JKAMP: variants seen among roughly 807,000 people sequenced by gnomAD.
The protein encoded by JKAMP is JNK1/MAPK8 associated membrane protein, also known as JNK1/MAPK8-associated membrane protein.
A neutral mutation model predicts 40.2 loss-of-function variants in JKAMP; 20 were observed. The ratio of observed to expected loss-of-function variants is 0.50; its 90% confidence interval spans 0.35 to 0.72. The LOEUF (loss-of-function observed/expected upper bound fraction) is 0.72. JKAMP is among the 30% of genes least tolerant of loss of function. JKAMP has a pLI of 0.01. For synonymous variants in JKAMP, 138 were observed against 131.6 expected (o/e 1.05, Z -0.33); for missense variants, 276 against 373.0 (o/e 0.74, Z 2.14).
At chr14:59,493,635 T>C (rs1891202401) in intron 3 of JKAMP, among the ~76,000 whole-genome samples, 1 of 152,212 alleles carries the variant, frequency 6.6e-6, no homozygotes, top group Non-Finnish European at 1.5e-5. Flanking sequence ...GATAAATATA[T>C]GAAACTATTT....
chr14:59,498,359 ATATT>A (rs1045731523), intron 4 of JKAMP, among the ~76,000 whole-genome samples: 1 of 152,190 alleles, frequency 6.6e-6, no homozygotes, highest in African/African-American at 2.4e-5. Flanking sequence ...TTACATTTGA[ATATT>A]TATTTTCTTC....
At chr14:59,488,473 C>T (rs1381355110) in intron 3 of JKAMP, among the ~76,000 whole-genome samples, 1 of 151,996 alleles carries the variant, frequency 6.6e-6, no homozygotes, top group Non-Finnish European at 1.5e-5. Context: ...AAAAAAGGAA[C>T]ATTTTAGGCA....
At chr14:59,484,720 C>A in intron 1 of JKAMP, 127 bp downstream of exon 1, 1 of 1,220,544 alleles carries the variant, frequency 8.2e-7, no homozygotes, top group Non-Finnish European at 1.2e-6. Flanking sequence ...CCCTTGACCC[C>A]GCCCGCCCTC....
chr14:59,487,995 A>G (rs533036991), intron 3 of JKAMP, among the ~76,000 whole-genome samples, 167 bp downstream of exon 3: 53 of 152,324 alleles, frequency 3.5e-4, no homozygotes, highest in African/African-American at 1.3e-3. Flanking sequence ...ACAATAGGGC[A>G]TGACTTAGTA....
chr14:59,485,099 G>T, intron 1 of JKAMP: 1 of 1,598,426 alleles, frequency 6.3e-7, no homozygotes, highest in Non-Finnish European at 8.5e-7. Context: ...CAGTCGCTTG[G>T]AGCCTGGGTT....
At chr14:59,496,282 T>C (rs1454929907) in intron 4 of JKAMP, among the ~76,000 whole-genome samples, 1 of 150,882 alleles carries the variant, frequency 6.6e-6, no homozygotes, top group Non-Finnish European at 1.5e-5. Flanking sequence ...TATAAAATAC[T>C]ATATAAAACA....
chr14:59,495,080 C>G lies in JKAMP; in HGVS notation c.314C>G (p.Thr105Ser), dbSNP rs549142198. 1 of 1,613,828 alleles carries G rather than the reference C, an allele frequency of 6.2e-7. No individual in the cohort carries two copies. The highest frequency in any genetic ancestry group is 2.2e-5 in the East Asian group (1 of 44,876). Residue 105 changes from threonine to serine, a missense_variant, in exon 4 of 7, where the codon ACC (threonine) becomes AGC (serine). Transcript: ENST00000616435. ...GAATGCAGCATGGCAGCTATTATCA[C>G]CTTACTTGTGAGTGATCCAGTTGGT... ...LFECSMAAIITLLVSDPVGVL... is the reference protein window; with the variant it reads ...LFECSMAAIISLLVSDPVGVL...
intron 6 of JKAMP, among the ~76,000 whole-genome samples, chr14:59,502,773 T>TTTTTTTTTGTTTTTTTTTTTTG (rs796697193): frequency 9.7e-6 from 1 of 102,836 alleles, no homozygotes; most frequent in Non-Finnish European, 1.8e-5. Flanking sequence ...TTTTTTTTTT[T>TTTTTTTTTGTTTTTTTTTTTTG]CGGAGTCTCA....
chr14:59,503,427 T>G (rs72712706), intron 6 of JKAMP, among the ~76,000 whole-genome samples: 12 of 152,308 alleles, frequency 7.9e-5, no homozygotes, highest in Non-Finnish European at 1.3e-4. Context: ...GCTCCAGGAA[T>G]GTTAGAGGTT....
In JKAMP at chr14:59,503,804, T is replaced by G. The variant is rs754855685; in HGVS notation, c.718-50T>G. ...GTTATATTAAATTACCCAGCTGACT[T>G]AGCCTGATAATCTGTATTTCTCTTT... is the stretch of plus-strand genomic sequence containing the variant. On this transcript the variant is annotated intron_variant, in intron 6 of 6. Coordinates refer to ENST00000616435, the MANE Select transcript of JKAMP (RefSeq NM_016475.5). The G allele has an allele frequency of 8.0e-6, 9 of 1,126,406 alleles. No homozygotes were observed. The South Asian group carries it at 1.2e-4, about 15-fold the overall frequency. 69.8% of individuals were successfully genotyped at this position (1,126,406 alleles called of 1,614,324 possible).
intron 4 of JKAMP, among the ~76,000 whole-genome samples, chr14:59,496,959 A>C (rs2139895798): frequency 6.8e-6 from 1 of 147,692 alleles, no homozygotes; most frequent in South Asian, 2.1e-4. Flanking sequence ...TGGGCTAAGC[A>C]CTTCCGAAGG....
intron 6 of JKAMP, among the ~76,000 whole-genome samples, chr14:59,501,602 T>C (rs1254007854): frequency 6.6e-6 from 1 of 152,218 alleles, no homozygotes; most frequent in Non-Finnish European, 1.5e-5. Flanking sequence ...ACCATAAAAA[T>C]GTTTTATATT....
At chr14:59,484,753 G>T in intron 1 of JKAMP, 160 bp downstream of exon 1, 1 of 1,016,840 alleles carries the variant, frequency 9.8e-7, no homozygotes, top group Non-Finnish European at 1.4e-6. Context: ...GCACTCCTGC[G>T]GGGTTGGGGT....
rs533811848 is a variant in JKAMP, at chr14:59,488,083, C to G, written c.251+255C>G. Among the ~76,000 whole-genome samples the G allele has an allele frequency of 5.9e-5, 9 of 151,942 alleles. No homozygotes were observed. In the South Asian group the frequency reaches 1.9e-3, roughly 32 times the overall value. On this transcript the variant is annotated intron_variant, in intron 3 of 6. Coordinates refer to ENST00000616435, the MANE Select transcript of JKAMP (RefSeq NM_016475.5). ...ATACTTTTACTTCTCAACTATAATC[C>G]TTATTGGTTTTCTACACAAAATTGG...
At chr14:59,503,709 G>C (rs1488432081) in intron 6 of JKAMP, 145 bp from the exon 7 acceptor site, 1 of 611,786 alleles carries the variant, frequency 1.6e-6, no homozygotes, top group Non-Finnish European at 2.8e-6. Context: ...TAGACTGAGT[G>C]ATTTCTTAAG....
At chr14:59,490,531 T>C (rs1235100522) in intron 3 of JKAMP, among the ~76,000 whole-genome samples, 1 of 152,146 alleles carries the variant, frequency 6.6e-6, no homozygotes, top group Non-Finnish European at 1.5e-5. Flanking sequence ...AGGTGAGATA[T>C]TTAATAGAAG....
intron 3 of JKAMP, among the ~76,000 whole-genome samples, chr14:59,488,643 T>G (rs908873470): frequency 1.3e-5 from 2 of 152,198 alleles, no homozygotes; most frequent in African/African-American, 2.4e-5. Flanking sequence ...GTGAAGGTTC[T>G]TGATAAGCAT....
In JKAMP at chr14:59,498,826, T is replaced by C; in HGVS notation, c.558T>C (p.Ser186=). The C allele has an allele frequency of 1.2e-6, 2 of 1,612,408 alleles. No homozygotes were observed. Among genetic ancestry groups the C allele is most frequent in the East Asian group, 2.2e-5 (1 of 44,860 alleles). The change falls in exon 5 of 7, where the codon TCT becomes TCC. Residue 186 remains serine (S), a synonymous_variant. Coordinates refer to ENST00000616435, the MANE Select transcript of JKAMP (RefSeq NM_016475.5). ...AGATTGCATGTGGGTTAGGGAAATCTGATCGATTTAAAAGTATTTATGCTG... is the reference window on the plus strand; with the variant it reads ...AGATTGCATGTGGGTTAGGGAAATCCGATCGATTTAAAAGTATTTATGCTG... The part of the protein sequence containing the change: ...VKKIACGLGK[S]DRFKSIYAAL...
At chr14:59,487,233 GA>G (rs1890654991) in intron 2 of JKAMP, 3 of 154,790 alleles carry the variant, frequency 1.9e-5, no homozygotes, top group Non-Finnish European at 4.3e-5. Context: ...AAATATAAAA[GA>G]ATATGGAGGC....
Sources: gnomAD v4.1 joint callset for allele counts (sites outside exome capture counted in the v4.1 genomes callset) on GRCh38, gnomAD v4.1.1 for gene constraint, MANE v1.5 for transcripts, NCBI Gene and HGNC (gene_info 2026-07-23, HGNC 2026-07-21) for gene names.